Variants in CPLANE1 observed in about 807,000 individuals in gnomAD.
CPLANE1 encodes the protein ciliogenesis and planar polarity effector complex subunit 1, also known as ciliogenesis and planar polarity effector 1.
A neutral mutation model predicts 362.5 loss-of-function variants in CPLANE1; 263 were observed. The observed-to-expected ratio is 0.73, with a 90% CI of 0.66 to 0.80. CPLANE1 has a LOEUF of 0.80. Ranked by LOEUF, CPLANE1 falls within the 30% of genes least tolerant of loss-of-function variation. CPLANE1 has a pLI of 0.00. For synonymous variants in CPLANE1, 1,212 were observed against 1,302.6 expected, an observed-to-expected ratio of 0.93 and a Z score of 1.50; for missense variants, 3,461 against 3,793.4, an observed-to-expected ratio of 0.91 and a Z score of 2.30.
chr5:37,153,863 T>G lies in CPLANE1; in HGVS notation c.8250A>C (p.Gln2750His), dbSNP rs769645726. 10 of 1,614,142 alleles carry G rather than the reference T, an allele frequency of 6.2e-6. No homozygotes were observed. The South Asian group carries it at 1.1e-4, about 18-fold the overall frequency. Residue 2750 changes from glutamine (Q) to histidine (H), a missense_variant, in exon 42 of 53, where the codon CAA becomes CAC. Gln to His is a conservative substitution (Grantham distance 24, BLOSUM62 0). Around this residue, in one of 2 missense-constraint regions of CPLANE1, gnomAD observed 3,380 missense variants for 3,666.1 expected, o/e 0.92. Transcript: ENST00000651892. ...GAAGCTTAGCACTGAGATGCTCTAG[T>G]TGGTGAGCTGCAGAGCTTGGTGCAG... The part of the protein sequence containing the change: ...ACPAPSSAAH[Q>H]LEHLSAKLQK...
chr5:37,145,707 AG>A (rs1771353071), intron 43 of CPLANE1, among the ~76,000 whole-genome samples: 1 of 152,226 alleles, frequency 6.6e-6, no homozygotes, highest in South Asian at 2.1e-4. Context: ...GAGAGAATAC[AG>A]AAAACTCCAT....
the CPLANE1 span, among the ~76,000 whole-genome samples, chr5:37,100,873 T>C: frequency 9.1e-4 from 139 of 152,342 alleles, no homozygotes; most frequent in Admixed American, 4.0e-3. Context: ...TTTGTAGCAA[T>C]TGAGAATCAG....
intron 33 of CPLANE1, among the ~76,000 whole-genome samples, 176 bp from the exon 34 acceptor site, chr5:37,169,737 T>C (rs1006658004): frequency 1.3e-5 from 2 of 152,088 alleles, no homozygotes; most frequent in African/African-American, 4.8e-5. Flanking sequence ...TATTATTTTT[T>C]TTTTTCTGAG....
intron 15 of CPLANE1, among the ~76,000 whole-genome samples, chr5:37,216,697 A>AT (rs1475293797): frequency 6.6e-6 from 1 of 152,240 alleles, no homozygotes; most frequent in East Asian, 1.9e-4. Context: ...TCTCAATAAT[A>AT]ATATAAGCTG....
intron 34 of CPLANE1, among the ~76,000 whole-genome samples, chr5:37,167,570 A>G (rs1401538878): frequency 2.0e-5 from 3 of 152,166 alleles, no homozygotes; most frequent in Non-Finnish European, 2.9e-5. Flanking sequence ...CAAGGTCAGG[A>G]GTTTGAGACC....
chr5:37,216,384 C>CA (rs1026849173), intron 15 of CPLANE1, among the ~76,000 whole-genome samples: 32 of 151,854 alleles, frequency 2.1e-4, no homozygotes, highest in Non-Finnish European at 3.1e-4. Context: ...CCCATCACTG[C>CA]AAAAAAATAC....
In CPLANE1 at chr5:37,205,458, A is replaced by C. The variant is rs1790437109; in HGVS notation, c.3150-4T>G. The C allele has an allele frequency of 6.7e-7, 1 of 1,495,876 alleles. No homozygotes were observed. The highest frequency in any genetic ancestry group is 8.9e-7 in the Non-Finnish European group (1 of 1,121,080). The allele number at this position is 1,495,876 out of a possible 1,614,324, so 92.7% of individuals were successfully genotyped here. A position where few individuals can be genotyped will look rare whatever the true frequency, so the allele number is the denominator to read the frequency against. On this transcript the variant is annotated splice_polypyrimidine_tract_variant and splice_region_variant and intron_variant, in intron 17 of 52. Transcript: ENST00000651892. ...ATTCAGACTCTTTTTCTTGGACCTG[A>C]AATGACATCAAATTAAGGGAAATGA... is the stretch of plus-strand genomic sequence containing the variant.
At chr5:37,152,152 C>A (rs1242656664) in intron 42 of CPLANE1, among the ~76,000 whole-genome samples, 1 of 152,046 alleles carries the variant, frequency 6.6e-6, no homozygotes, top group Non-Finnish European at 1.5e-5. Context: ...TTTTGCATTT[C>A]CCAATATTAG....
chr5:37,175,072 G>C (rs1347782080), intron 31 of CPLANE1, among the ~76,000 whole-genome samples: 1 of 152,170 alleles, frequency 6.6e-6, no homozygotes, highest in Non-Finnish European at 1.5e-5. Flanking sequence ...AAGTGTGATG[G>C]AAGGGGGAAT....
chr5:37,098,412 A>C, the CPLANE1 span, among the ~76,000 whole-genome samples: 1 of 150,742 alleles, frequency 6.6e-6, no homozygotes, highest in Admixed American at 6.6e-5. Flanking sequence ...AAAAAAAAAA[A>C]AAACCACACA....
At chr5:37,085,438 T>C in the CPLANE1 span, 13 of 930,752 alleles carry the variant, frequency 1.4e-5, 1 homozygote, top group South Asian at 1.6e-4. Flanking sequence ...GTGAGAAAAA[T>C]CTTTGTGGGC....
rs779025515 is a variant in CPLANE1 at position 37,167,047 on chromosome 5, CT to C, written c.7399del (p.Arg2467GlyfsTer18). 1.2e-6 allele frequency: 2 copies of C among 1,603,326 alleles called. No homozygotes were observed. The highest frequency in any genetic ancestry group is 1.1e-5 in the South Asian group (1 of 87,982). ...EVRQGKDSKK[R>X]QRRRAEKELQ... ...AAATAAAATTTCACTTAAGCCTTGC[CT>C]TTTTTTACTGTCCTTTCCTTGTCTT... On this transcript the variant is annotated frameshift_variant and splice_region_variant, in exon 35 of 53. Coordinates refer to ENST00000651892, the MANE Select transcript of CPLANE1 (RefSeq NM_001384732.1). LOFTEE classifies it high-confidence loss of function.
chr5:37,141,053 C>T, intron 44 of CPLANE1: 1 of 985,366 alleles, frequency 1.0e-6, no homozygotes, highest in African/African-American at 1.7e-5. Context: ...CCTCTTTTAC[C>T]CACCTAGTCA....
At chr5:37,202,986 C>T (rs1291692165) in intron 18 of CPLANE1, among the ~76,000 whole-genome samples, 2 of 151,292 alleles carry the variant, frequency 1.3e-5, no homozygotes, top group Admixed American at 1.3e-4. Flanking sequence ...AGCTCAGATT[C>T]ATCTTTTCCA....
chr5:37,141,057 C>T lies in CPLANE1; in HGVS notation c.8632+1253G>A, dbSNP rs1273431805. 3.0e-6 allele frequency: 3 copies of T among 985,434 alleles called. No homozygotes were observed. The East Asian group carries it at 3.4e-4, about 112-fold the overall frequency. The allele number at this position is 985,434 out of a possible 1,614,324, so 61.0% of individuals were successfully genotyped here. On this transcript the variant is annotated intron_variant, in intron 44 of 52. Coordinates refer to ENST00000651892, the MANE Select transcript of CPLANE1 (RefSeq NM_001384732.1). ...CCCCCTCTCCTCCTCTTTTACCCACCTAGTCACTGAGTACCATCAGTTACT... is the reference window on the plus strand; with the variant it reads ...CCCCCTCTCCTCCTCTTTTACCCACTTAGTCACTGAGTACCATCAGTTACT...
rs562239985 is a variant in CPLANE1, at chr5:37,202,013, A to G, written c.3290-205T>C. ...AGGTAAGACCATGAGACATTTTTAT[A>G]CAAGATATTGTAGAAACAACTATAC... is the stretch of plus-strand genomic sequence containing the variant. On this transcript the variant is annotated intron_variant, in intron 18 of 52. Coordinates refer to ENST00000651892, the MANE Select transcript of CPLANE1 (RefSeq NM_001384732.1). 2.0e-5 allele frequency among the ~76,000 whole-genome samples: 3 copies of G among 152,366 alleles called. No homozygotes were observed. In the South Asian group the frequency reaches 6.2e-4, roughly 32 times the overall value.
chr5:37,143,790 C>CCCAG (rs1770534989), intron 43 of CPLANE1, among the ~76,000 whole-genome samples: 3 of 152,018 alleles, frequency 2.0e-5, no homozygotes, highest in African/African-American at 7.3e-5. Context: ...AAAAAATTTG[C>CCCAG]CAGTGGTGGT....
intron 46 of CPLANE1, among the ~76,000 whole-genome samples, chr5:37,126,228 G>C (rs1764094382): frequency 6.6e-6 from 1 of 152,130 alleles, no homozygotes; most frequent in South Asian, 2.1e-4. Flanking sequence ...GACAGAGGGA[G>C]ACTGTCTCAA....
chr5:37,085,185 C>A, the CPLANE1 span: 4 of 818,918 alleles, frequency 4.9e-6, no homozygotes, highest in Middle Eastern at 2.8e-4. Flanking sequence ...GTGTCTCCCC[C>A]TCATCATTTT....
Sources: gnomAD v4.1 joint callset for allele counts (sites outside exome capture counted in the v4.1 genomes callset) on GRCh38, gnomAD v4.1.1 for gene constraint, gnomAD v4.1.1 regional missense constraint, MANE v1.5 for transcripts, NCBI Gene and HGNC (gene_info 2026-07-23, HGNC 2026-07-21) for gene names.